Variants in ARFGAP3 observed in about 807,000 individuals in gnomAD.
ARFGAP3 encodes the protein ADP-ribosylation factor GTPase-activating protein 3.
A neutral mutation model predicts 75.0 loss-of-function variants in ARFGAP3; 72 were observed. That is an observed-to-expected ratio of 0.96 (90% CI 0.79 to 1.17). ARFGAP3 has a LOEUF of 1.17. ARFGAP3 is among the 50% of genes most tolerant of loss of function. The pLI is 0.00. For missense variants in ARFGAP3, 620 were observed against 626.6 expected, an observed-to-expected ratio of 0.99 and a Z score of 0.11; for synonymous variants, 221 against 217.9, an observed-to-expected ratio of 1.01 and a Z score of -0.13.
intron 6 of ARFGAP3, among the ~76,000 whole-genome samples, chr22:42,831,248 T>A (rs1195388535): frequency 7.0e-6 from 1 of 142,732 alleles, no homozygotes; most frequent in East Asian, 2.0e-4. Flanking sequence ...GATCACACCA[T>A]CGCACTCCAG....
chr22:42,808,981 C>T, intron 12 of ARFGAP3, 91 bp from the exon 13 acceptor site: 5 of 1,320,912 alleles, frequency 3.8e-6, no homozygotes, highest in Non-Finnish European at 4.9e-6. Context: ...ATGCCAACAG[C>T]AGTAAATTTT....
chr22:42,823,555 T>C, intron 8 of ARFGAP3, 101 bp downstream of exon 8: 1 of 863,568 alleles, frequency 1.2e-6, no homozygotes, highest in Non-Finnish European at 1.8e-6. Context: ...GCTACATTTA[T>C]TACAAGATGG....
At chr22:42,838,766 T>C (rs1926649131) in intron 3 of ARFGAP3, among the ~76,000 whole-genome samples, 1 of 152,194 alleles carries the variant, frequency 6.6e-6, no homozygotes, top group South Asian at 2.1e-4. Context: ...AGTTCAGTGT[T>C]TGAGATAATC....
Position 42,797,611 on chromosome 22 carries a change from G to T in ARFGAP3, c.1534-6C>A, listed in dbSNP as rs772015797. On this transcript the variant is annotated splice_polypyrimidine_tract_variant and splice_region_variant and intron_variant, in intron 15 of 15. Transcript: ENST00000263245. ...TATTAAGAACCGTAGCGATCCTGAA[G>T]AGAGAACCAAAATGGAAGTTCACGA... 1.9e-6 allele frequency: 3 copies of T among 1,614,028 alleles called. No homozygotes were observed.
chr22:42,811,015 C>T (rs1602097511), intron 11 of ARFGAP3, 71 bp from the exon 12 acceptor site: 4 of 1,573,798 alleles, frequency 2.5e-6, no homozygotes, highest in Non-Finnish European at 3.4e-6. Context: ...CTCTCACTTC[C>T]ACAGATGTGG....
intron 14 of ARFGAP3, among the ~76,000 whole-genome samples, chr22:42,806,805 C>T (rs1045095856): frequency 2.6e-5 from 4 of 152,180 alleles, no homozygotes; most frequent in Middle Eastern, 3.2e-3. Flanking sequence ...ATAGCACAGC[C>T]GCACTCAGCT....
chr22:42,813,641 G>C (rs1311242809), intron 11 of ARFGAP3, among the ~76,000 whole-genome samples: 1 of 152,204 alleles, frequency 6.6e-6, no homozygotes, highest in South Asian at 2.1e-4. Context: ...CAGTCCATGC[G>C]TGGGCTGGCT....
chr22:42,835,588 G>A (rs991009142), intron 3 of ARFGAP3, 95 bp from the exon 4 acceptor site: 89 of 1,383,594 alleles, frequency 6.4e-5, no homozygotes, highest in Admixed American at 7.5e-5. Context: ...CTGGGAGGCC[G>A]AGGCAGGCAG....
At chr22:42,819,524 C>G (rs1372805860) in intron 9 of ARFGAP3, among the ~76,000 whole-genome samples, 1 of 152,130 alleles carries the variant, frequency 6.6e-6, no homozygotes, top group African/African-American at 2.4e-5. Flanking sequence ...TTTCTCAGAA[C>G]TTCAGGAGTG....
At chr22:42,822,127 G>A in intron 9 of ARFGAP3, 143 bp downstream of exon 9, 1 of 677,246 alleles carries the variant, frequency 1.5e-6, no homozygotes, top group Non-Finnish European at 2.5e-6. Context: ...ACATGCCAAT[G>A]CAATATCAGT....
chr22:42,808,819 T>C lies in ARFGAP3; in HGVS notation c.1268A>G (p.Asn423Ser), dbSNP rs1277244176. The change falls in exon 13 of 16, where the codon AAT (asparagine) becomes AGT (serine). Residue 423 changes from asparagine (N) to serine (S), a missense_variant. Asn to Ser is a conservative substitution (Grantham distance 46, BLOSUM62 1). Transcript: ENST00000263245. ...NTDEAQKKFG[N>S]VKAISSDMYF... ...CATATCTGATGAAATGGCCTTGACA[T>C]TGCCAAACTTCTTCTGGGCCTCATC... The C allele has an allele frequency of 1.2e-6, 2 of 1,613,880 alleles. No individual in the cohort carries two copies. Among genetic ancestry groups the C allele is most frequent in the Non-Finnish European group, 1.7e-6 (2 of 1,179,848 alleles).
intron 11 of ARFGAP3, among the ~76,000 whole-genome samples, chr22:42,816,522 C>G (rs1925587741): frequency 6.6e-6 from 1 of 152,192 alleles, no homozygotes; most frequent in South Asian, 2.1e-4. Flanking sequence ...TGAACTGACT[C>G]AAGTTTAAAC....
At chr22:42,809,004 T>C (rs1000137448) in intron 12 of ARFGAP3, 114 bp from the exon 13 acceptor site, 12 of 1,255,274 alleles carry the variant, frequency 9.6e-6, no homozygotes, top group Non-Finnish European at 1.2e-5. Flanking sequence ...AAAAGGATTT[T>C]AGGCTGTTTT....
At chr22:42,834,209 AC>A (rs1427216984) in intron 5 of ARFGAP3, 32 bp downstream of exon 5, 5 of 1,591,248 alleles carry the variant, frequency 3.1e-6, no homozygotes, top group Non-Finnish European at 4.3e-6. Flanking sequence ...CAGAGTAAGC[AC>A]ACTTTAAAAT....
chr22:42,853,245 T>C (rs1007193596), intron 1 of ARFGAP3, among the ~76,000 whole-genome samples: 3 of 152,220 alleles, frequency 2.0e-5, no homozygotes, highest in Non-Finnish European at 4.4e-5. Flanking sequence ...AATTACCATA[T>C]GCCAGCACAT....
At chr22:42,854,711 G>T (rs879742033) in intron 1 of ARFGAP3, among the ~76,000 whole-genome samples, 2 of 152,066 alleles carry the variant, frequency 1.3e-5, no homozygotes, top group Admixed American at 6.5e-5. Flanking sequence ...ATGAGACGAA[G>T]AAATTGGATA....
At chr22:42,854,085 C>T (rs1382939567) in intron 1 of ARFGAP3, among the ~76,000 whole-genome samples, 1 of 152,196 alleles carries the variant, frequency 6.6e-6, no homozygotes, top group Non-Finnish European at 1.5e-5. Flanking sequence ...CCACTCTTCC[C>T]GCTCCACCAC....
At chr22:42,849,306 T>G (rs556055697) in intron 1 of ARFGAP3, among the ~76,000 whole-genome samples, 1 of 152,184 alleles carries the variant, frequency 6.6e-6, no homozygotes, top group Non-Finnish European at 1.5e-5. Flanking sequence ...GAGATATTCC[T>G]TTATGAAATG....
At chr22:42,834,180 T>C in intron 5 of ARFGAP3, 62 bp downstream of exon 5, 5 of 1,467,394 alleles carry the variant, frequency 3.4e-6, no homozygotes, top group South Asian at 2.4e-5. Context: ...ATTTTAAATA[T>C]GCACCTTTTG....
Sources: gnomAD v4.1 joint callset for allele counts (sites outside exome capture counted in the v4.1 genomes callset) on GRCh38, gnomAD v4.1.1 for gene constraint, MANE v1.5 for transcripts, NCBI Gene and HGNC (gene_info 2026-07-23, HGNC 2026-07-21) for gene names.